Variants in PRKN observed in about 807,000 individuals in gnomAD.
The protein encoded by PRKN is parkin RBR E3 ubiquitin protein ligase.
In PRKN, 56 loss-of-function variants were observed where a neutral mutation model predicts 59.5. The ratio of observed to expected loss-of-function variants is 0.94; its 90% CI spans 0.76 to 1.18. The LOEUF (loss-of-function observed/expected upper bound fraction) is 1.18. Among genes scored for constraint, PRKN ranks in the 50% most tolerant of loss-of-function variants. The pLI is 0.00. For synonymous variants in PRKN, 250 were observed against 222.1 expected, an observed-to-expected ratio of 1.13 and a Z score of -1.12; for missense variants, 657 against 596.4, an observed-to-expected ratio of 1.10 and a Z score of -1.06.
chr6:162,223,997 T>C (rs1488633377), intron 3 of PRKN, among the ~76,000 whole-genome samples: 4 of 152,120 alleles, frequency 2.6e-5, no homozygotes, highest in Non-Finnish European at 5.9e-5. Context: ...CATCTGAAAT[T>C]AGTCACTCAA....
chr6:162,606,359 C>T (rs371988145), intron 1 of PRKN, among the ~76,000 whole-genome samples: 1 of 152,320 alleles, frequency 6.6e-6, no homozygotes, highest in East Asian at 1.9e-4. Flanking sequence ...TCAAAATTAT[C>T]TCACACAAAT....
intron 7 of PRKN, among the ~76,000 whole-genome samples, chr6:161,728,038 C>T (rs1457536530): frequency 1.3e-5 from 2 of 152,142 alleles, no homozygotes; most frequent in Non-Finnish European, 2.9e-5. Context: ...CACCCATTTT[C>T]GCTTCACTGA....
chr6:162,307,197 C>A (rs34902005), intron 2 of PRKN, among the ~76,000 whole-genome samples: 14 of 151,688 alleles, frequency 9.2e-5, no homozygotes, highest in Non-Finnish European at 7.4e-5. Flanking sequence ...GTCAAGAGTT[C>A]GAGACCAGCC....
At chr6:161,516,481 AAAAAAAAAAAAAG>A (rs1248274326) in intron 9 of PRKN, among the ~76,000 whole-genome samples, 4 of 121,710 alleles carry the variant, frequency 3.3e-5, no homozygotes, top group Non-Finnish European at 5.0e-5. Context: ...AAAAAAAAAA[AAAAAAAAAAAAAG>A]AAGAAGAAGA....
At chr6:161,964,115 G>A (rs1278691813) in intron 6 of PRKN, among the ~76,000 whole-genome samples, 1 of 152,066 alleles carries the variant, frequency 6.6e-6, no homozygotes, top group African/African-American at 2.4e-5. Flanking sequence ...GCAGGTTGGA[G>A]GGTAAGGTGT....
At chr6:162,686,382 T>A (rs1777552126) in intron 1 of PRKN, among the ~76,000 whole-genome samples, 1 of 151,912 alleles carries the variant, frequency 6.6e-6, no homozygotes, top group Non-Finnish European at 1.5e-5. Context: ...ACACCAGAGG[T>A]GGGTGGTGTA....
intron 6 of PRKN, among the ~76,000 whole-genome samples, chr6:161,871,057 GAGAGAGAGAAAATA>G (rs66712789): frequency 0.33 from 48,698 of 149,482 alleles, 8,140 homozygotes; most frequent in African/African-American, 0.41. Flanking sequence ...GATGAGGAGA[GAGAGAGAGAAAATA>G]AGAGAGAGAA....
intron 3 of PRKN, among the ~76,000 whole-genome samples, chr6:162,246,507 A>G (rs1779202982): frequency 6.6e-6 from 1 of 152,218 alleles, no homozygotes; most frequent in African/African-American, 2.4e-5. Context: ...AACTCTGAGT[A>G]CTTCAAGTGT....
chr6:162,677,484 A>C (rs1041128824), intron 1 of PRKN, among the ~76,000 whole-genome samples: 46 of 151,794 alleles, frequency 3.0e-4, no homozygotes, highest in African/African-American at 9.2e-4. Context: ...AAAAAAAAAA[A>C]AAAACACTCT....
chr6:162,483,391 GTTAAT>G (rs1412529254), intron 1 of PRKN, among the ~76,000 whole-genome samples: 1 of 152,172 alleles, frequency 6.6e-6, no homozygotes, highest in African/African-American at 2.4e-5. Flanking sequence ...CACCAAAAAA[GTTAAT>G]TTAACTATAT....
At chr6:161,967,959 C>T (rs1178791574) in intron 6 of PRKN, among the ~76,000 whole-genome samples, 1 of 152,118 alleles carries the variant, frequency 6.6e-6, no homozygotes, top group Non-Finnish European at 1.5e-5. Flanking sequence ...ACTGATTTAT[C>T]TTATCTTGCC....
At chr6:162,723,100 C>G (rs1473680687) in intron 1 of PRKN, among the ~76,000 whole-genome samples, 1 of 152,052 alleles carries the variant, frequency 6.6e-6, no homozygotes, top group Non-Finnish European at 1.5e-5. Context: ...AGCTTGAAAA[C>G]AAATATGCAG....
intron 4 of PRKN, among the ~76,000 whole-genome samples, chr6:162,199,866 C>A (rs534317203): frequency 6.6e-6 from 1 of 152,004 alleles, no homozygotes; most frequent in African/African-American, 2.4e-5. Context: ...TTTCACAGGC[C>A]CCGTAACACC....
intron 4 of PRKN, among the ~76,000 whole-genome samples, chr6:162,105,603 T>C (rs373572042): frequency 1.7e-4 from 26 of 152,266 alleles, no homozygotes; most frequent in African/African-American, 6.3e-4. Flanking sequence ...TTTCACCACC[T>C]TGGCCAGGCG....
intron 2 of PRKN, among the ~76,000 whole-genome samples, chr6:162,380,431 GTGTATATATATATA>G (rs1786378740): frequency 1.7e-5 from 2 of 117,756 alleles, no homozygotes; most frequent in Non-Finnish European, 3.4e-5. Context: ...ATATATATGT[GTGTATATATATATA>G]TGTATATATA....
chr6:162,195,705 G>A (rs115961846), intron 4 of PRKN, among the ~76,000 whole-genome samples: 1,574 of 152,174 alleles, frequency 0.01, 20 homozygotes, highest in African/African-American at 0.026. Flanking sequence ...GCGGGGAGGG[G>A]GTCACCCAAA....
intron 5 of PRKN, among the ~76,000 whole-genome samples, chr6:162,037,548 T>C (rs2128280978): frequency 6.6e-6 from 1 of 152,044 alleles, no homozygotes; most frequent in East Asian, 1.9e-4. Context: ...CCTCTGCTTT[T>C]TTTTTTTTTT....
chr6:161,675,361 T>C (rs913669911), intron 7 of PRKN, among the ~76,000 whole-genome samples: 3 of 151,208 alleles, frequency 2.0e-5, no homozygotes, highest in Non-Finnish European at 2.9e-5. Flanking sequence ...CCTGGTGTAG[T>C]CTCCATGGAA....
At chr6:162,529,176 A>T (rs1335532918) in intron 1 of PRKN, among the ~76,000 whole-genome samples, 1 of 152,024 alleles carries the variant, frequency 6.6e-6, no homozygotes, top group Non-Finnish European at 1.5e-5. Flanking sequence ...GCCGGTCCAT[A>T]CTTAGCTTTT....
Sources: allele counts gnomAD v4.1 joint callset (sites outside exome capture counted in the v4.1 genomes callset), GRCh38; gene constraint gnomAD v4.1.1; transcripts MANE v1.5; gene names NCBI Gene and HGNC (gene_info 2026-07-23, HGNC 2026-07-21).